PFKFB4: variants seen among roughly 807,000 people sequenced by gnomAD.
PFKFB4 encodes 6-phosphofructo-2-kinase/fructose-2,6-bisphosphatase 4.
In PFKFB4, 42 loss-of-function variants were observed where a neutral mutation model predicts 62.8. The ratio of observed to expected loss-of-function variants is 0.67; its 90% CI spans 0.52 to 0.86. The LOEUF (loss-of-function observed/expected upper bound fraction) is 0.86, where lower values mean the gene tolerates loss of function less well. Among genes scored for constraint, PFKFB4 ranks in the 40% least tolerant of loss-of-function variants. PFKFB4 has a pLI of 0.00. For synonymous variants in PFKFB4, 204 were observed against 240.7 expected (o/e 0.85, Z 1.41); for missense variants, 475 against 627.2 (o/e 0.76, Z 2.59).
chr3:48,520,906 GGGCCCA>G (rs2042077372), intron 13 of PFKFB4, among the ~76,000 whole-genome samples: 1 of 152,200 alleles, frequency 6.6e-6, no homozygotes, highest in Non-Finnish European at 1.5e-5. Flanking sequence ...TCAGCGCTGG[GGGCCCA>G]GTGCCATCTG....
intron 4 of PFKFB4, among the ~76,000 whole-genome samples, chr3:48,540,646 G>A (rs534468846): frequency 7.2e-5 from 11 of 152,274 alleles, no homozygotes; most frequent in African/African-American, 2.6e-4. Context: ...GTCTCACTCT[G>A]TCGCCCAGGC....
upstream of PFKFB4, chr3:48,562,468 G>A (rs2043447096): frequency 2.1e-5 from 8 of 389,390 alleles, no homozygotes; most frequent in Admixed American, 2.9e-4. This position sits in a 1 kb window ranked among gnomAD's most constrained non-coding sequence, Gnocchi z 4.3. Context: ...ACCTTACGTG[G>A]CAGCATCCAA....
chr3:48,549,681 C>T lies in PFKFB4; in HGVS notation c.311+183G>A, dbSNP rs371872642. Among the ~76,000 whole-genome samples the T allele has an allele frequency of 3.9e-5, 6 of 152,184 alleles. No individual in the cohort carries two copies. The East Asian group carries it at 9.7e-4, about 25-fold the overall frequency. ...CATCCTGAGAGATCCAGAGACCAGC[C>T]TTGTCACACAGCCCTGTCACACAGC... On this transcript the variant is annotated intron_variant, in intron 3 of 13. Transcript: ENST00000232375.
chr3:48,534,934 G>A (rs1160709065), intron 9 of PFKFB4, among the ~76,000 whole-genome samples: 2 of 151,622 alleles, frequency 1.3e-5, no homozygotes, highest in East Asian at 1.9e-4. Flanking sequence ...TCAGCCTCCC[G>A]AGTACGTGGG....
chr3:48,557,004 A>C, upstream of PFKFB4: 3 of 1,354,532 alleles, frequency 2.2e-6, no homozygotes, highest in Non-Finnish European at 2.9e-6. Flanking sequence ...TTTTGGAACA[A>C]GTGGGCCCAG....
chr3:48,539,690 G>A lies in PFKFB4; in HGVS notation c.453+7C>T. On this transcript the variant is annotated splice_region_variant and intron_variant, in intron 5 of 13. Coordinates refer to ENST00000232375, the MANE Select transcript of PFKFB4 (RefSeq NM_004567.4). ...TCCGCCAAGGAGAGGAGCCAAGGAG[G>A]CCTCACCTTGTAGCCATTCTGTTCT... 6.2e-7 allele frequency: 1 copy of A among 1,608,672 alleles called. No individual in the cohort carries two copies.
intron 7 of PFKFB4, 182 bp from the exon 8 acceptor site, chr3:48,536,645 G>A (rs764627819): frequency 1.2e-4 from 71 of 583,884 alleles, no homozygotes; most frequent in Non-Finnish European, 2.0e-4. Context: ...CACAGTGCGT[G>A]TGACGCACAG....
At chr3:48,559,654 C>T (rs1447013865), upstream of PFKFB4, 1 of 455,396 alleles carries the variant, frequency 2.2e-6, no homozygotes, top group Non-Finnish European at 4.4e-6. Context: ...TGTTCTGTCC[C>T]AGGCGTGGGA....
intron 1 of PFKFB4, among the ~76,000 whole-genome samples, chr3:48,555,202 A>G (rs1035984167): frequency 6.6e-6 from 1 of 152,158 alleles, no homozygotes; most frequent in Non-Finnish European, 1.5e-5. Context: ...AGGGGTGGCC[A>G]TAGCCCTCAG....
chr3:48,551,423 T>G (rs1259398869), intron 1 of PFKFB4, among the ~76,000 whole-genome samples: 3 of 146,936 alleles, frequency 2.0e-5, no homozygotes, highest in Non-Finnish European at 4.5e-5. Flanking sequence ...GGCATGTTGG[T>G]CAGGCTGGTC....
At chr3:48,523,475 G>A (rs954290944) in intron 12 of PFKFB4, 62 bp downstream of exon 12, 3 of 1,452,902 alleles carry the variant, frequency 2.1e-6, no homozygotes, top group Non-Finnish European at 2.9e-6. Flanking sequence ...AGAAAATCAT[G>A]GAACTGTGCA....
chr3:48,562,940 C>A, upstream of PFKFB4: 1 of 1,604,948 alleles, frequency 6.2e-7, no homozygotes, highest in Non-Finnish European at 8.5e-7. This position sits in a 1 kb window ranked among gnomAD's most constrained non-coding sequence, Gnocchi z 4.3. Flanking sequence ...GGTGGGGCTG[C>A]AGTGGCTCTG....
At position 48,521,899 on chromosome 3, in the gene PFKFB4, C is replaced by T. The variant is rs1243013428; in HGVS notation, c.1350+87G>A. ...CTCAAGCTCCCTCTGGCAGGTGCCG[C>T]AGCTGGGCCTGGCCCTGGAGGATGT... On this transcript the variant is annotated intron_variant, in intron 13 of 13. Transcript: ENST00000232375. This position sits in a 1 kb window ranked among gnomAD's most constrained non-coding sequence, Gnocchi z 5.3. The T allele has an allele frequency of 5.3e-6, 6 of 1,124,564 alleles. No individual in the cohort carries two copies. Among genetic ancestry groups the T allele is most frequent in the East Asian group, 4.7e-5 (2 of 42,736 alleles). 69.7% of individuals were successfully genotyped at this position (1,124,564 alleles called of 1,614,324 possible).
At position 48,517,943 on chromosome 3, in the gene PFKFB4, C is replaced by A. The variant is rs939487147; in HGVS notation, c.*1804G>T. On this transcript the variant is annotated 3_prime_UTR_variant, in exon 14 of 14. Coordinates refer to ENST00000232375, the MANE Select transcript of PFKFB4 (RefSeq NM_004567.4). ...TACCCTGTCCCCAGTCCTCGTAATG[C>A]ATCCAGTCCAGCAACTCCTAACTCC... 1.3e-5 allele frequency: 2 copies of A among 152,490 alleles called. No homozygotes were observed. The highest frequency in any genetic ancestry group is 2.4e-5 in the African/African-American group (1 of 41,468). 9.4% of individuals were successfully genotyped at this position (152,490 alleles called of 1,614,324 possible).
rs560632031 is a variant in PFKFB4 at position 48,556,567 on chromosome 3, T to C, written c.97+114A>G. 7.9e-7 allele frequency: 1 copy of C among 1,263,604 alleles called. No homozygotes were observed. Among genetic ancestry groups the C allele is most frequent in the African/African-American group, 1.5e-5 (1 of 66,398 alleles). The allele number at this position is 1,263,604 out of a possible 1,614,324, so 78.3% of individuals were successfully genotyped here. On this transcript the variant is annotated intron_variant, in intron 1 of 13. Transcript: ENST00000232375. The surrounding 1 kb of genome is among the most constrained non-coding windows in gnomAD (Gnocchi z 5.7). ...TCCCCAGTCACGGCAACCTCACCTG[T>C]CCCCGGTTCCCCATCTGTCTCCCGC... is the stretch of plus-strand genomic sequence containing the variant.
intron 9 of PFKFB4, among the ~76,000 whole-genome samples, chr3:48,527,693 T>TC: frequency 6.7e-6 from 1 of 150,322 alleles, no homozygotes; most frequent in South Asian, 2.1e-4. Flanking sequence ...TCTTTTTTTT[T>TC]TTTTTTTTTT....
At chr3:48,535,985 G>A (rs2042591947) in intron 8 of PFKFB4, among the ~76,000 whole-genome samples, 1 of 152,210 alleles carries the variant, frequency 6.6e-6, no homozygotes, top group African/African-American at 2.4e-5. Context: ...TACACTGTAT[G>A]GACTCAGGTC....
At chr3:48,557,066 TCCCGC>T, upstream of PFKFB4, 1 of 951,068 alleles carries the variant, frequency 1.1e-6, no homozygotes, top group Non-Finnish European at 1.4e-6. Context: ...ATTGTACTGG[TCCCGC>T]CCCAGTTCAA....
chr3:48,554,334 G>A (rs2043247448), intron 1 of PFKFB4, among the ~76,000 whole-genome samples: 1 of 152,222 alleles, frequency 6.6e-6, no homozygotes, highest in East Asian at 1.9e-4. Context: ...TGGAGGTGCT[G>A]CATGGGCGGG....
Sources: gnomAD v4.1 joint callset for allele counts (sites outside exome capture counted in the v4.1 genomes callset) on GRCh38, gnomAD v4.1.1 for gene constraint, Gnocchi (gnomAD v3.1) non-coding constraint, MANE v1.5 for transcripts, NCBI Gene and HGNC (gene_info 2026-07-23, HGNC 2026-07-21) for gene names.